Variants in G2E3 observed in about 807,000 individuals in gnomAD.
The protein encoded by G2E3 is G2/M-phase specific E3 ubiquitin protein ligase.
G2E3 carries 35 observed loss-of-function variants against 92.8 expected under a neutral mutation model. The observed-to-expected ratio is 0.38, with a 90% CI of 0.29 to 0.50. The LOEUF is 0.50. Among genes scored for constraint, G2E3 ranks in the 20% least tolerant of loss-of-function variants. The probability of loss-of-function intolerance (pLI) is 0.94; values close to 1 mark genes in which losing one functional copy is unlikely to be tolerated. For missense variants in G2E3, 554 were observed against 823.8 expected, an observed-to-expected ratio of 0.67 and a Z score of 4.01; for synonymous variants, 242 against 272.4, an observed-to-expected ratio of 0.89 and a Z score of 1.10.
intron 6 of G2E3, among the ~76,000 whole-genome samples, chr14:30,595,436 AG>A (rs1363122626): frequency 2.0e-5 from 3 of 152,210 alleles, no homozygotes; most frequent in African/African-American, 7.2e-5. Context: ...AAGCAAAGAA[AG>A]GTTCTCATAC....
chr14:30,586,642 G>T (rs1398972353), intron 2 of G2E3, 76 bp from the exon 3 acceptor site: 1 of 525,330 alleles, frequency 1.9e-6, no homozygotes, highest in South Asian at 3.3e-5. Context: ...CAGAAATTTA[G>T]AGAAGCACCA....
chr14:30,615,963 G>T (rs1370126801), intron 14 of G2E3, among the ~76,000 whole-genome samples: 1 of 152,152 alleles, frequency 6.6e-6, no homozygotes, highest in Non-Finnish European at 1.5e-5. Context: ...GAGTGGAGAA[G>T]AATTTAACTT....
At chr14:30,613,851 G>A (rs1882199916) in intron 13 of G2E3, among the ~76,000 whole-genome samples, 1 of 151,982 alleles carries the variant, frequency 6.6e-6, no homozygotes, top group African/African-American at 2.4e-5. Flanking sequence ...GAGAATTTAA[G>A]TATGAAGCAA....
intron 2 of G2E3, 130 bp from the exon 3 acceptor site, chr14:30,586,588 C>G: frequency 2.5e-6 from 1 of 405,154 alleles, no homozygotes; most frequent in Non-Finnish European, 4.4e-6. Context: ...TTTTAAGTTA[C>G]TGATATCAAT....
In G2E3 at chr14:30,560,745, A is replaced by G. The variant is rs1190337856; in HGVS notation, c.-5+1473A>G. On this transcript the variant is annotated intron_variant, in intron 1 of 14. Coordinates refer to ENST00000206595, the MANE Select transcript of G2E3 (RefSeq NM_017769.5). ...TATTGTGTATACACTACCTTGAAGG[A>G]TTTGTTCAACAATGCTGATTCCTGC... 3 of 699,776 alleles carry G rather than the reference A, an allele frequency of 4.3e-6. No individual in the cohort carries two copies. The African/African-American group carries it at 5.3e-5, about 12-fold the overall frequency. 43.3% of individuals were successfully genotyped at this position (699,776 alleles called of 1,614,324 possible).
chr14:30,589,589 G>T, intron 4 of G2E3, 105 bp downstream of exon 4: 1 of 628,234 alleles, frequency 1.6e-6, no homozygotes. Flanking sequence ...TTGATTATAG[G>T]TTTCAATGCA....
In G2E3 at chr14:30,566,426, G is replaced by GTT. The variant is rs759977584; in HGVS notation, c.-5+7157_-5+7158dup. On this transcript the variant is annotated intron_variant, in intron 1 of 14. Coordinates refer to ENST00000206595, the MANE Select transcript of G2E3 (RefSeq NM_017769.5). The stretch of plus-strand genomic sequence containing the variant: ...CAGTTCTTTAATTTCTTTCAGCACT[G>GTT]TTTTGTAGTTTTCAGTGCAAAAATC... Among the ~76,000 whole-genome samples the GTT allele has an allele frequency of 1.9e-3, 291 of 152,252 alleles. 1 individual carries two copies. Among genetic ancestry groups the GTT allele is most frequent in the Non-Finnish European group, 3.2e-4 (22 of 68,006 alleles).
chr14:30,612,713 C>T (rs968647423), intron 13 of G2E3, among the ~76,000 whole-genome samples: 8 of 151,926 alleles, frequency 5.3e-5, no homozygotes, highest in African/African-American at 1.7e-4. Flanking sequence ...AAAAATTAGC[C>T]GGGCGTGGTG....
intron 1 of G2E3, among the ~76,000 whole-genome samples, chr14:30,579,947 A>G (rs1433644489): frequency 6.6e-6 from 1 of 152,204 alleles, no homozygotes; most frequent in Non-Finnish European, 1.5e-5. Context: ...CTTTAATGTT[A>G]TTAAGATGTT....
At chr14:30,570,800 G>A (rs74519441) in intron 1 of G2E3, among the ~76,000 whole-genome samples, 2,236 of 152,126 alleles carry the variant, frequency 0.015, 47 homozygotes, top group African/African-American at 0.051. Context: ...AGAGCCCCTT[G>A]CTCCACCATT....
intron 5 of G2E3, 58 bp downstream of exon 5, chr14:30,592,505 A>G: frequency 7.9e-7 from 1 of 1,270,306 alleles, no homozygotes; most frequent in Non-Finnish European, 1.1e-6. Flanking sequence ...TGGAAAATAC[A>G]TATCCCAATG....
chr14:30,561,545 A>G (rs1279880676), intron 1 of G2E3, among the ~76,000 whole-genome samples: 2 of 152,224 alleles, frequency 1.3e-5, no homozygotes, highest in Non-Finnish European at 2.9e-5. Flanking sequence ...CTGATGTTCT[A>G]TCAATACTAC....
At chr14:30,593,158 T>C (rs892599177) in intron 5 of G2E3, among the ~76,000 whole-genome samples, 3 of 152,192 alleles carry the variant, frequency 2.0e-5, no homozygotes, top group South Asian at 2.1e-4. Context: ...GCACAACGTA[T>C]GCACCCATTT....
At position 30,616,968 on chromosome 14, in the gene G2E3, C is replaced by T. The variant is rs1176813281; in HGVS notation, c.*434C>T. On this transcript the variant is annotated 3_prime_UTR_variant, in exon 15 of 15. Transcript: ENST00000206595. ...TATTTTAAAGCATTAAATAGAAAAG[C>T]TAATTGGTTAAATTTTGTTATATAA... is the stretch of plus-strand genomic sequence containing the variant. 5.2e-5 allele frequency: 8 copies of T among 153,118 alleles called. 1 individual carries two copies. In the Admixed American group the frequency reaches 5.2e-4, roughly 10 times the overall value. 9.5% of individuals were successfully genotyped at this position (153,118 alleles called of 1,614,324 possible). A position where few individuals can be genotyped will look rare whatever the true frequency, so the allele number is the denominator to read the frequency against.
intron 10 of G2E3, 130 bp from the exon 11 acceptor site, chr14:30,605,375 G>T: frequency 2.2e-6 from 1 of 446,442 alleles, no homozygotes. Flanking sequence ...TACAATTTTG[G>T]GTGGGAATTG....
intron 1 of G2E3, chr14:30,559,497 T>G (rs1455335905): frequency 6.6e-6 from 1 of 152,118 alleles, no homozygotes; most frequent in Non-Finnish European, 1.5e-5. Context: ...CAGCTCTCAG[T>G]GTTGAGGATT....
chr14:30,615,385 G>C lies in G2E3; in HGVS notation c.1710G>C (p.Glu570Asp). The change falls in exon 14 of 15, where the codon GAG becomes GAC. Residue 570 changes from glutamate (E) to aspartate (D), a missense_variant. By Grantham distance (45) the Glu-to-Asp change is conservative (BLOSUM62 2). Around this residue, in one of 3 missense-constraint regions of G2E3, gnomAD observed 397 missense variants for 560.3 expected, o/e 0.71. Coordinates refer to ENST00000206595, the MANE Select transcript of G2E3 (RefSeq NM_017769.5). ...KQGLKTLGVL[E>D]KIQAYPEAFC... is the part of the protein sequence containing the mutation. ...GTCTGAAAACCCTTGGTGTTTTGGAGAAAATTCAGGCTTATCCAGAAGCAT... is the reference window on the plus strand; with the variant it reads ...GTCTGAAAACCCTTGGTGTTTTGGACAAAATTCAGGCTTATCCAGAAGCAT... The C allele has an allele frequency of 6.2e-7, 1 of 1,601,240 alleles. No homozygotes were observed. The highest frequency in any genetic ancestry group is 1.1e-5 in the South Asian group (1 of 88,532).
intron 3 of G2E3, 93 bp from the exon 4 acceptor site, chr14:30,589,290 G>T (rs572547938): frequency 4.2e-6 from 3 of 711,588 alleles, no homozygotes; most frequent in Non-Finnish European, 7.3e-6. Context: ...TTTTATGTCT[G>T]TTTTTTATTA....
At position 30,589,501 on chromosome 14, in the gene G2E3, A is replaced by C; in HGVS notation, c.237+17A>C. 1 of 1,200,984 alleles carries C rather than the reference A, an allele frequency of 8.3e-7. No homozygotes were observed. The allele number at this position is 1,200,984 out of a possible 1,614,324, so 74.4% of individuals were successfully genotyped here. A position where few individuals can be genotyped will look rare whatever the true frequency, so the allele number is the denominator to read the frequency against. On this transcript the variant is annotated intron_variant, in intron 4 of 14. Transcript: ENST00000206595. ...TCTAAACTGGTAAGTAAATTATTTTACTATTAAGTAATGTCATAAATATTG... is the reference window on the plus strand; with the variant it reads ...TCTAAACTGGTAAGTAAATTATTTTCCTATTAAGTAATGTCATAAATATTG...
Sources: allele counts gnomAD v4.1 joint callset (sites outside exome capture counted in the v4.1 genomes callset), GRCh38; gene constraint gnomAD v4.1.1; regional missense constraint gnomAD v4.1.1; transcripts MANE v1.5; gene names NCBI Gene and HGNC (gene_info 2026-07-23, HGNC 2026-07-21).